MYCBP2: variants seen among roughly 807,000 people sequenced by gnomAD.
MYCBP2 encodes E3 ubiquitin-protein ligase MYCBP2.
MYCBP2 carries 120 observed loss-of-function variants against 525.3 expected under a neutral mutation model. The observed-to-expected ratio is 0.23, with a 90% CI of 0.20 to 0.27. The LOEUF (loss-of-function observed/expected upper bound fraction) is 0.27, where lower values mean the gene tolerates loss of function less well. Among genes scored for constraint, MYCBP2 ranks in the 10% least tolerant of loss-of-function variants. The pLI is 1.00. For missense variants in MYCBP2, 4,149 were observed against 5,657.1 expected, an observed-to-expected ratio of 0.73 and a Z score of 8.55; for synonymous variants, 1,894 against 1,955.8, an observed-to-expected ratio of 0.97 and a Z score of 0.83.
At position 77,060,364 on chromosome 13, in the gene MYCBP2, C is replaced by T. The variant is rs149746084; in HGVS notation, c.13037-738G>A. On this transcript the variant is annotated intron_variant, in intron 76 of 82. Transcript: ENST00000544440. Reference sequence around the variant, plus strand: ...TTATTAATGCAGTATACAGCACTGACAGATTATAGGAGGAAGAAATCAACT... The same window carrying T: ...TTATTAATGCAGTATACAGCACTGATAGATTATAGGAGGAAGAAATCAACT... 8.9e-3 allele frequency among the ~76,000 whole-genome samples: 1,354 copies of T among 152,308 alleles called. 26 individuals are homozygous for T. The highest frequency in any genetic ancestry group is 0.031 in the African/African-American group (1,294 of 41,566).
At chr13:77,202,792 A>T (rs1355391595) in intron 26 of MYCBP2, among the ~76,000 whole-genome samples, 1 of 152,220 alleles carries the variant, frequency 6.6e-6, no homozygotes, top group East Asian at 1.9e-4. Flanking sequence ...AAAGACAAAA[A>T]CCACAGGATT....
At chr13:77,197,867 T>G (rs1297160802) in intron 26 of MYCBP2, among the ~76,000 whole-genome samples, 1 of 152,162 alleles carries the variant, frequency 6.6e-6, no homozygotes, top group Non-Finnish European at 1.5e-5. Context: ...GGCAAGATCA[T>G]TTCCAGACAA....
At chr13:77,118,698 G>A (rs201598847) in intron 55 of MYCBP2, among the ~76,000 whole-genome samples, 5 of 151,330 alleles carry the variant, frequency 3.3e-5, no homozygotes, top group East Asian at 3.9e-4. Context: ...TAATGGAAGC[G>A]CCCCACCAAA....
chr13:77,155,694 G>A (rs937183659), intron 46 of MYCBP2, among the ~76,000 whole-genome samples: 1 of 152,032 alleles, frequency 6.6e-6, no homozygotes, highest in Non-Finnish European at 1.5e-5. Flanking sequence ...GAACGTACTT[G>A]AGTCTTTCAA....
At chr13:77,243,423 G>A (rs1469443540) in intron 16 of MYCBP2, among the ~76,000 whole-genome samples, 3 of 152,070 alleles carry the variant, frequency 2.0e-5, no homozygotes, top group Non-Finnish European at 4.4e-5. Flanking sequence ...GACCAGCCTG[G>A]CCAACATGGT....
chr13:77,294,189 C>T (rs2077931332), intron 2 of MYCBP2, among the ~76,000 whole-genome samples: 1 of 112,866 alleles, frequency 8.9e-6, no homozygotes, highest in African/African-American at 3.1e-5. Flanking sequence ...AGATAAAATG[C>T]CAGCTAAATG....
At position 77,055,622 on chromosome 13, in the gene MYCBP2, T is replaced by C. The variant is rs1422541264; in HGVS notation, c.13583A>G (p.Tyr4528Cys). The C allele has an allele frequency of 4.3e-6, 7 of 1,614,006 alleles. No individual in the cohort carries two copies. The highest frequency in any genetic ancestry group is 1.6e-4 in the Middle Eastern group (1 of 6,082). Residue 4528 changes from tyrosine (Y) to cysteine (C), a missense_variant, in exon 80 of 83, where the codon TAT becomes TGT. Coordinates refer to ENST00000544440, the MANE Select transcript of MYCBP2 (RefSeq NM_015057.5). The part of the protein sequence containing the change: ...EAITTPGVRF[Y>C]NDPAGYAMNR... Reference sequence around the variant, plus strand: ...CATTGCATAGCCAGCTGGGTCATTATAAAACCTCACACCAGGAGTTGTGAT... The same window carrying C: ...CATTGCATAGCCAGCTGGGTCATTACAAAACCTCACACCAGGAGTTGTGAT...
intron 20 of MYCBP2, among the ~76,000 whole-genome samples, chr13:77,220,868 G>T (rs2154292092): frequency 6.6e-6 from 1 of 152,292 alleles, no homozygotes; most frequent in South Asian, 2.1e-4. Flanking sequence ...ACTAGGCACA[G>T]TATATAGGTA....
At chr13:77,121,893 T>C (rs1473297467) in intron 54 of MYCBP2, among the ~76,000 whole-genome samples, 2 of 152,092 alleles carry the variant, frequency 1.3e-5, no homozygotes, top group Non-Finnish European at 2.9e-5. Flanking sequence ...TGCATATTAG[T>C]ATTAGAATAG....
At chr13:77,220,690 C>T (rs2065422773) in intron 20 of MYCBP2, among the ~76,000 whole-genome samples, 1 of 152,124 alleles carries the variant, frequency 6.6e-6, no homozygotes, top group African/African-American at 2.4e-5. Flanking sequence ...AATACATATG[C>T]TATAGAAGCT....
At chr13:77,242,048 A>G (rs1329511654) in intron 17 of MYCBP2, among the ~76,000 whole-genome samples, 1 of 152,204 alleles carries the variant, frequency 6.6e-6, no homozygotes, top group Non-Finnish European at 1.5e-5. Flanking sequence ...TGAGCAAGGA[A>G]ATCTTTAGTA....
At chr13:77,154,269 C>T (rs1262253756) in intron 46 of MYCBP2, among the ~76,000 whole-genome samples, 1 of 151,394 alleles carries the variant, frequency 6.6e-6, no homozygotes, top group Admixed American at 6.6e-5. Context: ...TTGGATAAAT[C>T]TGACATGAAT....
intron 15 of MYCBP2, among the ~76,000 whole-genome samples, chr13:77,249,147 C>T (rs1456072661): frequency 6.6e-6 from 1 of 152,132 alleles, no homozygotes; most frequent in African/African-American, 2.4e-5. Flanking sequence ...TTAACAGTTA[C>T]AGAGTCTCAG....
chr13:77,174,467 C>A lies in MYCBP2; in HGVS notation c.5495G>T (p.Arg1832Leu). Residue 1832 changes from arginine (R) to leucine (L), a missense_variant, in exon 37 of 83, where the codon CGC (arginine) becomes CTC (leucine). Physicochemically the swap from Arg to Leu is moderately radical, Grantham distance 102. Transcript: ENST00000544440. ...TGTACGGCTTCCATAGTTCCTCAAG[C>A]GCACAGCATATTTAACATTTTCCTT... is the stretch of plus-strand genomic sequence containing the variant. Reference protein sequence around the residue: ...PLKENVKYAVRLRNYGSRTAN... With the variant: ...PLKENVKYAVLLRNYGSRTAN... The A allele has an allele frequency of 6.2e-7, 1 of 1,613,764 alleles. No individual in the cohort carries two copies.
chr13:77,194,292 T>C (rs775800344), intron 26 of MYCBP2, 48 bp from the exon 27 acceptor site: 11 of 1,321,114 alleles, frequency 8.3e-6, no homozygotes, highest in African/African-American at 1.4e-5. Flanking sequence ...GCTATACATA[T>C]CTGATGAACA....
At chr13:77,140,649 A>G (rs552363807) in intron 50 of MYCBP2, among the ~76,000 whole-genome samples, 197 bp downstream of exon 50, 1 of 152,340 alleles carries the variant, frequency 6.6e-6, no homozygotes, top group African/African-American at 2.4e-5. Flanking sequence ...GAAGAATACA[A>G]TATGTACCAA....
intron 55 of MYCBP2, among the ~76,000 whole-genome samples, chr13:77,103,906 C>T (rs1339610737): frequency 6.6e-6 from 1 of 151,972 alleles, no homozygotes; most frequent in Non-Finnish European, 1.5e-5. Context: ...TATCAAATCT[C>T]ATTTACACAA....
At chr13:77,101,587 T>C (rs2047075550) in intron 55 of MYCBP2, among the ~76,000 whole-genome samples, 1 of 152,078 alleles carries the variant, frequency 6.6e-6, no homozygotes, top group Non-Finnish European at 1.5e-5. Flanking sequence ...TATCTTATTA[T>C]ATCTCTAATA....
Position 77,171,584 on chromosome 13 carries a change from T to G in MYCBP2, c.5702A>C (p.Glu1901Ala). ...LQSQLLSKAN[E>A]EDKNCSRALS... is the part of the protein sequence containing the mutation. ...TGCTCTGCTACAGTTTTTATCTTCTTCATTGGCTTTACTCAGAAGTTGGGA... is the reference window on the plus strand; with the variant it reads ...TGCTCTGCTACAGTTTTTATCTTCTGCATTGGCTTTACTCAGAAGTTGGGA... The change falls in exon 38 of 83, where the codon GAA becomes GCA. Residue 1901 changes from glutamate (E) to alanine (A), a missense_variant. Transcript: ENST00000544440. 1.2e-6 allele frequency: 2 copies of G among 1,614,144 alleles called. No homozygotes were observed. Among genetic ancestry groups the G allele is most frequent in the Admixed American group, 1.7e-5 (1 of 60,014 alleles).
Sources: gnomAD v4.1 joint callset for allele counts (sites outside exome capture counted in the v4.1 genomes callset) on GRCh38, gnomAD v4.1.1 for gene constraint, MANE v1.5 for transcripts, NCBI Gene and HGNC (gene_info 2026-07-23, HGNC 2026-07-21) for gene names.